The following NEAT1 variants were observed in gnomAD, a reference collection of about 807,000 sequenced individuals.
NEAT1 encodes the protein MENepsilon/beta.
rs529742890 is a variant in NEAT1 at position 65,425,537 on chromosome 11, A to AT, written n.2746dup. The AT allele has an allele frequency of 6.0e-4, 91 of 152,168 alleles. 1 individual carries two copies. Among genetic ancestry groups the AT allele is most frequent in the African/African-American group, 1.0e-3 (42 of 41,490 alleles). The allele number at this position is 152,168 out of a possible 1,614,324, so 9.4% of individuals were successfully genotyped here. On this transcript the variant is annotated non_coding_transcript_exon_variant, in exon 1 of 1. Coordinates refer to ENST00000501122, the Ensembl canonical transcript of NEAT1. ...GTTGATTTGAAACTGTGAAGGTGTG[A>AT]TTTTTTCAGGAGCTGGAAGTCTTAG...
At chr11:65,430,666 C>T (rs112623203) in exon 1 of NEAT1, 4 of 152,184 alleles carry the variant, frequency 2.6e-5, no homozygotes, top group Admixed American at 2.0e-4. Context: ...TACTTTAAAT[C>T]GTGCAGCTGT....
chr11:65,440,996 C>T (rs1363076983), exon 1 of NEAT1: 2 of 151,718 alleles, frequency 1.3e-5, no homozygotes, highest in Non-Finnish European at 2.9e-5. Context: ...GGCTTTGAGC[C>T]CAAAAACTTG....
At chr11:65,443,677 A>G (rs974537977) in exon 1 of NEAT1, 2 of 152,210 alleles carry the variant, frequency 1.3e-5, no homozygotes, top group Admixed American at 6.5e-5. Context: ...ATCCCCTTCT[A>G]TACCTCAAGG....
exon 1 of NEAT1, chr11:65,440,469 AC>A (rs1328582687): frequency 6.6e-6 from 1 of 151,602 alleles, no homozygotes; most frequent in Non-Finnish European, 1.5e-5. Flanking sequence ...TCAAAAAAAA[AC>A]AAAAACGACA....
exon 1 of NEAT1, chr11:65,424,822 A>G (rs775061847): frequency 2.0e-5 from 3 of 152,024 alleles, no homozygotes; most frequent in Non-Finnish European, 4.4e-5. Context: ...ACTTCGTTAG[A>G]TTTCATAATA....
exon 1 of NEAT1, chr11:65,424,745 G>A (rs1336880275): frequency 1.3e-5 from 2 of 152,258 alleles, no homozygotes; most frequent in Non-Finnish European, 2.9e-5. Flanking sequence ...ATTACTAGGA[G>A]AAGGGAATGG....
chr11:65,431,887 T>G (rs1010575399), exon 1 of NEAT1: 1 of 152,218 alleles, frequency 6.6e-6, no homozygotes, highest in African/African-American at 2.4e-5. Context: ...CTTTGTTGAT[T>G]GTGTTCTTTG....
chr11:65,426,505 T>TA (rs1565629392), exon 1 of NEAT1: 1 of 152,222 alleles, frequency 6.6e-6, no homozygotes, highest in Non-Finnish European at 1.5e-5. Context: ...ACAGCACAAA[T>TA]AAAGTTTGAG....
chr11:65,441,339 G>C (rs952504526), exon 1 of NEAT1: 4 of 152,074 alleles, frequency 2.6e-5, no homozygotes, highest in Admixed American at 6.5e-5. Flanking sequence ...TTGTTTGTTT[G>C]TTTTAGTAGA....
exon 1 of NEAT1, chr11:65,424,153 G>C (rs1205383612): frequency 6.6e-6 from 1 of 152,208 alleles, no homozygotes; most frequent in Non-Finnish European, 1.5e-5. Context: ...AGGAAGCCCT[G>C]TATTCAGGAG....
chr11:65,429,497 C>CGTGTGTGTGTGT (rs35026443), exon 1 of NEAT1: 1 of 146,910 alleles, frequency 6.8e-6, no homozygotes, highest in Non-Finnish European at 1.5e-5. Context: ...TGTGTGTGTG[C>CGTGTGTGTGTGT]GTGTGTGTGT....
At chr11:65,432,515 A>C (rs187398820) in exon 1 of NEAT1, 42 of 152,266 alleles carry the variant, frequency 2.8e-4, no homozygotes, top group Non-Finnish European at 4.7e-4. Context: ...CTAAACATGT[A>C]TGTACTCCTA....
chr11:65,436,101 A>C (rs1336451379), exon 1 of NEAT1: 1 of 152,230 alleles, frequency 6.6e-6, no homozygotes, highest in Non-Finnish European at 1.5e-5. Context: ...GCCACATGCC[A>C]GGAGCTCAGG....
exon 1 of NEAT1, chr11:65,428,179 T>A (rs1334714600): frequency 6.6e-6 from 1 of 152,314 alleles, no homozygotes; most frequent in African/African-American, 2.4e-5. Context: ...GTGTGGGTAA[T>A]ATAATAGAAT....
rs1349505892 is a variant in NEAT1, at chr11:65,436,457, A to C, written n.13660A>C. 4 of 152,268 alleles carry C rather than the reference A, an allele frequency of 2.6e-5. No individual in the cohort carries two copies. In the East Asian group the frequency reaches 7.7e-4, roughly 29 times the overall value. 9.4% of individuals were successfully genotyped at this position (152,268 alleles called of 1,614,324 possible). A position where few individuals can be genotyped will look rare whatever the true frequency, so the allele number is the denominator to read the frequency against. ...AGATGTGTGAAAACTGTTCAAAGCC[A>C]TACCTGCACATGTTTGAACTTCAAA... is the stretch of plus-strand genomic sequence containing the variant. On this transcript the variant is annotated non_coding_transcript_exon_variant, in exon 1 of 1. Transcript: ENST00000501122.
chr11:65,434,779 AT>A (rs1349184615), exon 1 of NEAT1: 4 of 152,198 alleles, frequency 2.6e-5, no homozygotes, highest in Non-Finnish European at 4.4e-5. Context: ...ATACCTAAGT[AT>A]GAGAGTATCT....
chr11:65,432,939 A>G (rs1216617452), exon 1 of NEAT1: 1 of 151,196 alleles, frequency 6.6e-6, no homozygotes, highest in Non-Finnish European at 1.5e-5. Context: ...GAGAACACAC[A>G]GTATTTGGTT....
At chr11:65,426,760 G>A (rs1460345685) in exon 1 of NEAT1, 1 of 152,162 alleles carries the variant, frequency 6.6e-6, no homozygotes, top group African/African-American at 2.4e-5. Context: ...GTAATCATTG[G>A]TTTGAAATGT....
exon 1 of NEAT1, chr11:65,428,231 A>AGCAAATC (rs1856581268): frequency 1.3e-5 from 2 of 152,248 alleles, no homozygotes; most frequent in Admixed American, 1.3e-4. Context: ...ATTAAAAGTT[A>AGCAAATC]TGGGGCATAA....
Sources: gnomAD v4.1 joint callset for allele counts on GRCh38, gnomAD v4.1.1 for gene constraint, MANE v1.5 for transcripts, NCBI Gene and HGNC (gene_info 2026-07-23, HGNC 2026-07-21) for gene names.